Variants in PHLPP2 observed in about 807,000 individuals in gnomAD.
The protein encoded by PHLPP2 is PH domain and leucine rich repeat protein phosphatase 2, also known as PH domain leucine-rich repeat-containing protein phosphatase 2.
PHLPP2 carries 66 observed loss-of-function variants against 124.9 expected under a neutral mutation model. The ratio of observed to expected loss-of-function variants is 0.53; its 90% CI spans 0.43 to 0.65. The LOEUF is 0.65. Among genes scored for constraint, PHLPP2 ranks in the 30% least tolerant of loss-of-function variants. PHLPP2 has a pLI of 0.00. For missense variants in PHLPP2, 1,685 were observed against 1,600.4 expected (o/e 1.05, Z -0.90); for synonymous variants, 681 against 624.7 (o/e 1.09, Z -1.34).
intron 3 of PHLPP2, among the ~76,000 whole-genome samples, chr16:71,693,159 T>C (rs1019925971): frequency 3.3e-5 from 5 of 152,148 alleles, no homozygotes; most frequent in Admixed American, 2.6e-4. Flanking sequence ...TGGTGGCGTA[T>C]GCCTGTAATC....
intron 4 of PHLPP2, among the ~76,000 whole-genome samples, chr16:71,686,078 C>A (rs2045052543): frequency 6.6e-6 from 1 of 152,134 alleles, no homozygotes; most frequent in Non-Finnish European, 1.5e-5. Context: ...TGCACTCCAG[C>A]CTGGGTGACA....
chr16:71,719,807 G>GTTT (rs1437532659), intron 1 of PHLPP2, among the ~76,000 whole-genome samples: 1 of 151,550 alleles, frequency 6.6e-6, no homozygotes, highest in East Asian at 1.9e-4. Flanking sequence ...TTGTTTGTTT[G>GTTT]TTTTTTTGGA....
chr16:71,704,938 G>A (rs1333091688), intron 2 of PHLPP2, among the ~76,000 whole-genome samples: 2 of 152,110 alleles, frequency 1.3e-5, no homozygotes, highest in African/African-American at 4.8e-5. Flanking sequence ...AGGAGAGTAA[G>A]GATATAAAGA....
At chr16:71,695,637 G>A (rs1047578428) in intron 3 of PHLPP2, among the ~76,000 whole-genome samples, 2 of 151,976 alleles carry the variant, frequency 1.3e-5, no homozygotes, top group African/African-American at 4.8e-5. Context: ...TTGAACCTGG[G>A]GGGTGGAGGT....
rs2044658499 is a variant in PHLPP2 at position 71,647,034 on chromosome 16, A to G, written c.*1856T>C. 1 of 152,628 alleles carries G rather than the reference A, an allele frequency of 6.6e-6. No homozygotes were observed. The highest frequency in any genetic ancestry group is 1.5e-5 in the Non-Finnish European group (1 of 68,046). 9.5% of individuals were successfully genotyped at this position (152,628 alleles called of 1,614,324 possible). On this transcript the variant is annotated 3_prime_UTR_variant, in exon 19 of 19. Coordinates refer to ENST00000568954, the MANE Select transcript of PHLPP2 (RefSeq NM_015020.3). Reference sequence around the variant, plus strand: ...TCTGATTTTGACTATTGCTTTGAACAAAAATCTTCCCAAAAATACACACGA... The same window carrying G: ...TCTGATTTTGACTATTGCTTTGAACGAAAATCTTCCCAAAAATACACACGA...
Position 71,664,055 on chromosome 16 carries a change from G to A in PHLPP2, c.1829C>T (p.Pro610Leu). ...ACTCTCCTCTCCAGTGCAGGCGGAT[G>A]GTAAAGACTCCAGACTATTTGCAGA... Reference protein sequence around the residue: ...NASANSLESLPSACTGEESLS... With the variant: ...NASANSLESLLSACTGEESLS... Residue 610 changes from proline to leucine, a missense_variant, in exon 13 of 19, where the codon CCA (proline) becomes CTA (leucine). By Grantham distance (98) the Pro-to-Leu change is moderately conservative. Transcript: ENST00000568954. The A allele has an allele frequency of 2.5e-6, 4 of 1,613,802 alleles. No homozygotes were observed. Among genetic ancestry groups the A allele is most frequent in the South Asian group, 2.2e-5 (2 of 91,062 alleles).
chr16:71,669,556 G>T (rs2044872439), intron 10 of PHLPP2, among the ~76,000 whole-genome samples, 186 bp from the exon 11 acceptor site: 1 of 152,218 alleles, frequency 6.6e-6, no homozygotes, highest in African/African-American at 2.4e-5. Flanking sequence ...AATTAGAAGG[G>T]AGAGGAGAGA....
At chr16:71,683,701 A>T (rs963614190) in intron 5 of PHLPP2, among the ~76,000 whole-genome samples, 2 of 152,206 alleles carry the variant, frequency 1.3e-5, no homozygotes, top group South Asian at 2.1e-4. Context: ...GAATTCCATG[A>T]TTTTACTCAT....
chr16:71,703,369 A>G (rs1208456475), intron 2 of PHLPP2, among the ~76,000 whole-genome samples: 1 of 152,198 alleles, frequency 6.6e-6, no homozygotes, highest in Non-Finnish European at 1.5e-5. Context: ...TCACCTTAAA[A>G]TAACTCCCTA....
rs200653687 is a variant in PHLPP2 at position 71,658,623 on chromosome 16, T to A, written c.2148+30A>T. ...TTCACTCTCCTGCCATTTCCCCCAA[T>A]AAGGACATCATTCCAGCACACAGAA... On this transcript the variant is annotated intron_variant, in intron 14 of 18. Coordinates refer to ENST00000568954, the MANE Select transcript of PHLPP2 (RefSeq NM_015020.3). 1.9e-6 allele frequency: 3 copies of A among 1,602,072 alleles called. No homozygotes were observed. In the East Asian group the frequency reaches 6.7e-5, roughly 36 times the overall value.
rs147811125 is a variant in PHLPP2, at chr16:71,682,454, A to G, written c.736-549T>C. Among the ~76,000 whole-genome samples the G allele has an allele frequency of 4.2e-4, 64 of 152,214 alleles. 1 individual carries two copies. The East Asian group carries it at 0.011, about 27-fold the overall frequency. On this transcript the variant is annotated intron_variant, in intron 5 of 18. Coordinates refer to ENST00000568954, the MANE Select transcript of PHLPP2 (RefSeq NM_015020.3). ...CACCTCAACCTCCCAAAGTGCTGGGATTACAGGCGTGAGTCACAGCACCCG... is the reference window on the plus strand; with the variant it reads ...CACCTCAACCTCCCAAAGTGCTGGGGTTACAGGCGTGAGTCACAGCACCCG...
chr16:71,657,772 T>C lies in PHLPP2; in HGVS notation c.2279+461A>G, dbSNP rs796968101. Reference sequence around the variant, plus strand: ...AGAGAGACTGATGAAAGTAGTATGCTGAACTACTGGCAAAGAAGGAGGGGA... The same window carrying C: ...AGAGAGACTGATGAAAGTAGTATGCCGAACTACTGGCAAAGAAGGAGGGGA... On this transcript the variant is annotated intron_variant, in intron 15 of 18. Transcript: ENST00000568954. 3.0e-4 allele frequency among the ~76,000 whole-genome samples: 46 copies of C among 152,284 alleles called. 1 individual carries two copies. Among genetic ancestry groups the C allele is most frequent in the African/African-American group, 1.1e-3 (45 of 41,564 alleles).
chr16:71,649,249 T>G lies in PHLPP2; in HGVS notation c.3613A>C (p.Ile1205Leu). ...EEHARGSCFG[I>L]RRQNSVNSGM... ...CTATTCACACTGTTCTGTCTTCGGA[T>G]CCCAAAACACGACCCTCTAGCATGT... is the stretch of plus-strand genomic sequence containing the variant. Residue 1205 changes from isoleucine (I) to leucine (L), a missense_variant, in exon 19 of 19, where the codon ATC becomes CTC. Coordinates refer to ENST00000568954, the MANE Select transcript of PHLPP2 (RefSeq NM_015020.3). 6.2e-7 allele frequency: 1 copy of G among 1,613,984 alleles called. No homozygotes were observed. The highest frequency in any genetic ancestry group is 8.5e-7 in the Non-Finnish European group (1 of 1,179,950).
At chr16:71,669,958 T>C (rs1319976355) in intron 10 of PHLPP2, among the ~76,000 whole-genome samples, 1 of 152,150 alleles carries the variant, frequency 6.6e-6, no homozygotes, top group East Asian at 1.9e-4. Context: ...TCAAGCGATA[T>C]AATGAGGCAG....
At position 71,663,955 on chromosome 16, in the gene PHLPP2, G is replaced by A. The variant is rs1567614880; in HGVS notation, c.1929C>T (p.His643=). ...TDQCIPVLVG[H]LHLRILHLAN... ...CAAGGTGCAAGATTCGCAGGTGCAG[G>A]TGCCCTACCAGGACAGGTATGCACT... The change falls in exon 13 of 19, where the codon CAC becomes CAT. Residue 643 remains histidine, a synonymous_variant. Coordinates refer to ENST00000568954, the MANE Select transcript of PHLPP2 (RefSeq NM_015020.3). 2.5e-6 allele frequency: 4 copies of A among 1,614,094 alleles called. No individual in the cohort carries two copies. The highest frequency in any genetic ancestry group is 2.2e-5 in the South Asian group (2 of 91,086).
intron 3 of PHLPP2, among the ~76,000 whole-genome samples, chr16:71,692,703 G>A (rs2045127087): frequency 6.6e-6 from 1 of 151,756 alleles, no homozygotes. Context: ...AAAATGAAAT[G>A]GTATTTGCAT....
intron 12 of PHLPP2, among the ~76,000 whole-genome samples, chr16:71,664,928 C>G (rs2044825477): frequency 6.6e-6 from 1 of 152,140 alleles, no homozygotes. Flanking sequence ...AGGGTACATT[C>G]CTAAAAACAG....
In PHLPP2 at chr16:71,714,718, T is replaced by C; in HGVS notation, c.78A>G (p.Glu26=). The change falls in exon 2 of 19, where the codon GAA becomes GAG. Residue 26 remains glutamate (E), a synonymous_variant. Transcript: ENST00000568954. ...GGTAAACACAGCCTCTCTTTACATC[T>C]TCTCTTAGCCAGTCTCTTTCTCGAG... is the stretch of plus-strand genomic sequence containing the variant. ...FGSRERDWLR[E]DVKRGCVYLY... is the part of the protein sequence containing the mutation. 6.2e-7 allele frequency: 1 copy of C among 1,614,172 alleles called. No homozygotes were observed. Among genetic ancestry groups the C allele is most frequent in the Non-Finnish European group, 8.5e-7 (1 of 1,180,014 alleles).
intron 17 of PHLPP2, among the ~76,000 whole-genome samples, chr16:71,653,933 C>G (rs944187323): frequency 6.6e-6 from 1 of 152,042 alleles, no homozygotes; most frequent in Admixed American, 6.6e-5. Flanking sequence ...CAGTGGCTCA[C>G]GCCTGTAATC....
Sources: gnomAD v4.1 joint callset for allele counts (sites outside exome capture counted in the v4.1 genomes callset) on GRCh38, gnomAD v4.1.1 for gene constraint, MANE v1.5 for transcripts, NCBI Gene and HGNC (gene_info 2026-07-23, HGNC 2026-07-21) for gene names.